Variants in LMO2 observed in about 807,000 individuals in gnomAD.
LMO2 encodes LIM domain only 2.
LMO2 carries 20 observed loss-of-function variants against 23.2 expected under a neutral mutation model. The observed-to-expected ratio is 0.86, with a 90% CI of 0.61 to 1.25. The LOEUF is 1.25. Among genes scored for constraint, LMO2 ranks in the 50% most tolerant of loss-of-function variants. LMO2 has a pLI of 0.00. For missense variants in LMO2, 270 were observed against 315.3 expected (o/e 0.86, Z 1.09); for synonymous variants, 123 against 130.2 (o/e 0.94, Z 0.38).
intron 2 of LMO2, among the ~76,000 whole-genome samples, chr11:33,879,612 C>G (rs1857216114): frequency 1.3e-5 from 2 of 152,152 alleles, no homozygotes; most frequent in South Asian, 4.2e-4. Flanking sequence ...GCGACAGAGC[C>G]AAGATCACGC....
At chr11:33,861,995 G>A (rs887708436) in intron 5 of LMO2, among the ~76,000 whole-genome samples, 1 of 152,110 alleles carries the variant, frequency 6.6e-6, no homozygotes, top group Admixed American at 6.5e-5. Context: ...AAAATAAGCC[G>A]GGACTTGACA....
chr11:33,864,474 G>A lies in LMO2; in HGVS notation c.464+128C>T. 1.4e-6 allele frequency: 1 copy of A among 700,582 alleles called. No homozygotes were observed. The highest frequency in any genetic ancestry group is 1.9e-5 in the South Asian group (1 of 54,016). 43.4% of individuals were successfully genotyped at this position (700,582 alleles called of 1,614,324 possible). A position where few individuals can be genotyped will look rare whatever the true frequency, so the allele number is the denominator to read the frequency against. On this transcript the variant is annotated intron_variant, in intron 5 of 5. Transcript: ENST00000257818. The surrounding 1 kb of genome is among the most constrained non-coding windows in gnomAD (Gnocchi z 4.8). ...CAGGAGCTGAGACTCAGCCTCTGCA[G>A]TCTGACCTCTTTCTATAGGTGGTGT...
Position 33,864,604 on chromosome 11 carries a change from G to A in LMO2, c.462C>T (p.Leu154=), listed in dbSNP as rs1856703327. 14 of 1,612,206 alleles carry A rather than the reference G, an allele frequency of 8.7e-6. No individual in the cohort carries two copies. The highest frequency in any genetic ancestry group is 1.1e-5 in the Non-Finnish European group (13 of 1,179,310). ...LGRKLCRRDY[L]RLFGQDGLCA... is the part of the protein sequence containing the mutation. ...CAGTGGAGTGCCGGGGAGGGTACCT[G>A]AGATAGTCTCTCCGGCAGAGCTTCC... The change falls in exon 5 of 6, where the codon CTC becomes CTT. Residue 154 remains leucine (L), a splice_region_variant and synonymous_variant. Coordinates refer to ENST00000257818, the MANE Select transcript of LMO2 (RefSeq NM_005574.4). This position sits in a 1 kb window ranked among gnomAD's most constrained non-coding sequence, Gnocchi z 4.8.
chr11:33,863,509 C>A (rs944110890), intron 5 of LMO2, among the ~76,000 whole-genome samples: 1 of 152,206 alleles, frequency 6.6e-6, no homozygotes, highest in African/African-American at 2.4e-5. Flanking sequence ...CAACAAGCTT[C>A]CATGGGTTGG....
At position 33,880,655 on chromosome 11, in the gene LMO2, A is replaced by G. The variant is rs777906974; in HGVS notation, c.-272+1169T>C. On this transcript the variant is annotated intron_variant, in intron 2 of 5. Transcript: ENST00000257818. The surrounding 1 kb of genome is among the most constrained non-coding windows in gnomAD (Gnocchi z 4.3). ...GAACTGTACCCTTGGGAGTGGTTAA[A>G]TGTTAAATTTTACGATGTACGTATT... is the stretch of plus-strand genomic sequence containing the variant. The G allele has an allele frequency of 2.5e-5, 4 of 158,272 alleles. No individual in the cohort carries two copies. The allele number at this position is 158,272 out of a possible 1,614,324, so 9.8% of individuals were successfully genotyped here.
intron 4 of LMO2, among the ~76,000 whole-genome samples, chr11:33,868,204 A>T (rs1455226061): frequency 6.6e-6 from 1 of 152,174 alleles, no homozygotes; most frequent in African/African-American, 2.4e-5. Flanking sequence ...CTGGTAACTG[A>T]GGGTAAAACC....
intron 5 of LMO2, among the ~76,000 whole-genome samples, chr11:33,862,621 A>T (rs561181187): frequency 1.4e-5 from 2 of 142,144 alleles, no homozygotes; most frequent in East Asian, 2.1e-4. Flanking sequence ...TGAAGAACTC[A>T]AACACATTAG....
In LMO2 at chr11:33,880,465, A is replaced by T. The variant is rs1350803805; in HGVS notation, c.-272+1359T>A. On this transcript the variant is annotated intron_variant, in intron 2 of 5. Coordinates refer to ENST00000257818, the MANE Select transcript of LMO2 (RefSeq NM_005574.4). This position sits in a 1 kb window ranked among gnomAD's most constrained non-coding sequence, Gnocchi z 4.3. Reference sequence around the variant, plus strand: ...TGATTCTACTTTTGTGAAGTACTTAAACAAATACATAGAGACAGAAAGTCG... The same window carrying T: ...TGATTCTACTTTTGTGAAGTACTTATACAAATACATAGAGACAGAAAGTCG... Among the ~76,000 whole-genome samples the T allele has an allele frequency of 6.6e-6, 1 of 152,126 alleles. No homozygotes were observed. The highest frequency in any genetic ancestry group is 1.9e-4 in the East Asian group (1 of 5,198).
chr11:33,883,118 T>G (rs925065665), intron 1 of LMO2, among the ~76,000 whole-genome samples: 1 of 152,260 alleles, frequency 6.6e-6, no homozygotes, highest in African/African-American at 2.4e-5. Flanking sequence ...CATATTGTCT[T>G]TCTTCTCCAC....
chr11:33,859,892 T>C (rs1856507032), intron 5 of LMO2, among the ~76,000 whole-genome samples: 1 of 152,120 alleles, frequency 6.6e-6, no homozygotes, highest in South Asian at 2.1e-4. Flanking sequence ...ATGTGATCTA[T>C]CATAAGGAGT....
intron 5 of LMO2, among the ~76,000 whole-genome samples, chr11:33,863,300 C>G (rs1383066583): frequency 1.3e-5 from 2 of 152,136 alleles, no homozygotes; most frequent in African/African-American, 4.8e-5. Flanking sequence ...CTCGGAACCA[C>G]CATATCTGCA....
intron 2 of LMO2, among the ~76,000 whole-genome samples, chr11:33,872,062 G>A (rs191543164): frequency 2.6e-5 from 4 of 152,174 alleles, no homozygotes; most frequent in South Asian, 2.1e-4. Flanking sequence ...AGGCCGAGGC[G>A]GGTGGATCAC....
chr11:33,891,548 C>A (rs1857554206), intron 1 of LMO2, among the ~76,000 whole-genome samples: 1 of 152,174 alleles, frequency 6.6e-6, no homozygotes, highest in South Asian at 2.1e-4. Context: ...CAGCGGCTCA[C>A]ACAGCAAGCG....
chr11:33,874,110 T>A (rs989554335), intron 2 of LMO2, among the ~76,000 whole-genome samples: 6 of 151,760 alleles, frequency 4.0e-5, no homozygotes, highest in African/African-American at 1.5e-4. Context: ...TTAATAGGGT[T>A]TCGGCTCCCA....
At chr11:33,866,107 C>T (rs1169300505) in intron 4 of LMO2, among the ~76,000 whole-genome samples, 1 of 152,212 alleles carries the variant, frequency 6.6e-6, no homozygotes, top group Admixed American at 6.5e-5. Flanking sequence ...CCTAATTGGT[C>T]TGTGCCCATA....
rs1461734584 is a variant in LMO2, at chr11:33,880,285, C to CATACATACATATG, written c.-272+1538_-272+1539insCATATGTATGTAT. 0.081 allele frequency among the ~76,000 whole-genome samples: 4,322 copies of CATACATACATATG among 53,106 alleles called. 564 individuals carry two copies. Among genetic ancestry groups the CATACATACATATG allele is most frequent in the African/African-American group, 0.27 (3,376 of 12,496 alleles). 34.8% of individuals were successfully genotyped at this position (53,106 alleles called of 152,430 possible). A position where few individuals can be genotyped will look rare whatever the true frequency, so the allele number is the denominator to read the frequency against. On this transcript the variant is annotated intron_variant, in intron 2 of 5. Coordinates refer to ENST00000257818, the MANE Select transcript of LMO2 (RefSeq NM_005574.4). The surrounding 1 kb of genome is among the most constrained non-coding windows in gnomAD (Gnocchi z 4.3). ...TATCATACATACACATGATATATATCATATATATCATATATATACATATCA... is the reference window on the plus strand; with the variant it reads ...TATCATACATACACATGATATATATCATACATACATATGATATATATCATATATATACATATCA...
rs1452628975 is a variant in LMO2, at chr11:33,869,812, G to C, written c.-96C>G. 5 of 1,095,612 alleles carry C rather than the reference G, an allele frequency of 4.6e-6. No homozygotes were observed. The highest frequency in any genetic ancestry group is 5.5e-6 in the Non-Finnish European group (5 of 902,766). The allele number at this position is 1,095,612 out of a possible 1,614,324, so 67.9% of individuals were successfully genotyped here. On this transcript the variant is annotated 5_prime_UTR_variant, in exon 3 of 6. Coordinates refer to ENST00000257818, the MANE Select transcript of LMO2 (RefSeq NM_005574.4). ...TGGTGTGCGCCCGCCCGGCCGCCCG[G>C]AGCCCCTCGCACCTTCGGCCCGGGT...
intron 5 of LMO2, among the ~76,000 whole-genome samples, chr11:33,859,993 T>A (rs560478796): frequency 6.6e-6 from 1 of 152,274 alleles, no homozygotes; most frequent in East Asian, 1.9e-4. Flanking sequence ...GAGAGGGTAC[T>A]GACCAGGAAT....
intron 1 of LMO2, among the ~76,000 whole-genome samples, chr11:33,885,693 G>A (rs1169176810): frequency 6.6e-6 from 1 of 152,184 alleles, no homozygotes; most frequent in African/African-American, 2.4e-5. Context: ...CTGTGTGGTG[G>A]CCACCCTTTT....
Sources: gnomAD v4.1 joint callset for allele counts (sites outside exome capture counted in the v4.1 genomes callset) on GRCh38, gnomAD v4.1.1 for gene constraint, Gnocchi (gnomAD v3.1) non-coding constraint, MANE v1.5 for transcripts, NCBI Gene and HGNC (gene_info 2026-07-23, HGNC 2026-07-21) for gene names.